CHRM2: variants seen among roughly 807,000 people sequenced by gnomAD.
The protein encoded by CHRM2 is cholinergic receptor muscarinic 2.
A neutral mutation model predicts 25.0 loss-of-function variants in CHRM2; 8 were observed. That is an observed-to-expected ratio of 0.32 (90% CI 0.19 to 0.58). CHRM2 has a LOEUF of 0.58. Ranked by LOEUF, CHRM2 falls within the 20% of genes least tolerant of loss-of-function variation. The probability of loss-of-function intolerance (pLI) is 0.88; values close to 1 mark genes in which losing one functional copy is unlikely to be tolerated. For missense variants in CHRM2, 440 were observed against 567.1 expected (o/e 0.78, Z 2.28); for synonymous variants, 202 against 205.7 (o/e 0.98, Z 0.15).
At chr7:136,876,197 C>T (rs548705800) in intron 2 of CHRM2, among the ~76,000 whole-genome samples, 3 of 152,052 alleles carry the variant, frequency 2.0e-5, no homozygotes, top group Non-Finnish European at 2.9e-5. Flanking sequence ...TTTTGGAAGG[C>T]GAAGCCATGG....
intron 2 of CHRM2, among the ~76,000 whole-genome samples, chr7:136,886,030 G>T (rs1796450437): frequency 6.6e-6 from 1 of 152,132 alleles, no homozygotes; most frequent in African/African-American, 2.4e-5. Flanking sequence ...GCATCCAAAG[G>T]TCTATACCTA....
chr7:136,981,120 A>C (rs1802456274), intron 2 of CHRM2, among the ~76,000 whole-genome samples: 1 of 151,978 alleles, frequency 6.6e-6, no homozygotes, highest in Admixed American at 6.6e-5. Flanking sequence ...CAATTTCAGA[A>C]CTTGTTACTG....
At chr7:136,956,778 C>G (rs1191005827) in intron 2 of CHRM2, among the ~76,000 whole-genome samples, 1 of 151,720 alleles carries the variant, frequency 6.6e-6, no homozygotes, top group Non-Finnish European at 1.5e-5. Flanking sequence ...ACTAAAGCAA[C>G]AAATCAATGC....
At chr7:136,968,518 A>G (rs1007269728) in intron 2 of CHRM2, among the ~76,000 whole-genome samples, 4 of 151,784 alleles carry the variant, frequency 2.6e-5, no homozygotes, top group African/African-American at 9.7e-5. Context: ...CAGCAACCCC[A>G]CTTCTGGGTG....
At chr7:136,914,088 A>C (rs1584746045) in intron 2 of CHRM2, 1 of 151,846 alleles carries the variant, frequency 6.6e-6, no homozygotes, top group Non-Finnish European at 1.5e-5. Context: ...TCAATCTCCT[A>C]TCTCGCATCA....
At chr7:136,937,601 G>A (rs1351092322) in intron 2 of CHRM2, among the ~76,000 whole-genome samples, 4 of 152,092 alleles carry the variant, frequency 2.6e-5, no homozygotes, top group Admixed American at 6.6e-5. Flanking sequence ...GTAAAAAACC[G>A]ACTGCTTGTC....
chr7:136,959,649 A>G (rs758847324), intron 2 of CHRM2, among the ~76,000 whole-genome samples: 21 of 152,204 alleles, frequency 1.4e-4, no homozygotes, highest in Admixed American at 8.5e-4. Flanking sequence ...ACGGTGGCTC[A>G]CACCTGTAAT....
intron 2 of CHRM2, among the ~76,000 whole-genome samples, chr7:136,988,994 C>A (rs1265753882): frequency 6.6e-6 from 1 of 152,018 alleles, no homozygotes; most frequent in Non-Finnish European, 1.5e-5. Context: ...AGTCTTCCCA[C>A]CAAACCTATG....
In CHRM2 at chr7:136,980,073, A is replaced by G. The variant is rs185146394; in HGVS notation, c.-124-12114A>G. ...TTCATGATATTGATTCTTCCTATCC[A>G]TGAGCATGAAATGTTTTTCCATTTG... On this transcript the variant is annotated intron_variant, in intron 2 of 3. Transcript: ENST00000680005. Among the ~76,000 whole-genome samples the G allele has an allele frequency of 1.2e-3, 186 of 152,304 alleles. 2 individuals are homozygous for G. The highest frequency in any genetic ancestry group is 4.4e-3 in the African/African-American group (183 of 41,570).
intron 2 of CHRM2, among the ~76,000 whole-genome samples, chr7:136,908,980 C>T (rs1797700058): frequency 6.6e-6 from 1 of 151,792 alleles, no homozygotes; most frequent in Non-Finnish European, 1.5e-5. Context: ...TTTTTACATT[C>T]CTTTGAATTA....
chr7:136,927,195 G>T (rs1453026055), intron 2 of CHRM2, among the ~76,000 whole-genome samples: 2 of 152,154 alleles, frequency 1.3e-5, no homozygotes, highest in African/African-American at 2.4e-5. Context: ...TGTATTAGTT[G>T]TTACTTTTAT....
intron 2 of CHRM2, among the ~76,000 whole-genome samples, chr7:136,927,597 G>A (rs1798822386): frequency 6.6e-6 from 1 of 152,194 alleles, no homozygotes; most frequent in Non-Finnish European, 1.5e-5. Context: ...GCCCCATGGG[G>A]CATATTTATG....
rs77579410 is a variant in CHRM2 at position 136,887,187 on chromosome 7, A to G, written c.-125+17769A>G. On this transcript the variant is annotated intron_variant, in intron 2 of 3. Transcript: ENST00000680005. ...TGGCTATGTTAATTTATTCTACTAT[A>G]CTAACCATTTTATTATATGTATATA... Among the ~76,000 whole-genome samples, 20 of 152,334 alleles carry G rather than the reference A, an allele frequency of 1.3e-4. No homozygotes were observed. In the East Asian group the frequency reaches 3.7e-3, roughly 28 times the overall value.
chr7:136,915,116 A>C (rs79114116), intron 2 of CHRM2, among the ~76,000 whole-genome samples: 1 of 151,980 alleles, frequency 6.6e-6, no homozygotes, highest in East Asian at 1.9e-4. Context: ...TGCTGACATC[A>C]TTCTGGTTAA....
chr7:136,905,409 G>C (rs1158497055), intron 2 of CHRM2, among the ~76,000 whole-genome samples: 1 of 151,332 alleles, frequency 6.6e-6, no homozygotes, highest in African/African-American at 2.4e-5. Flanking sequence ...CTGATTTGTA[G>C]CTGTATTTGC....
intron 2 of CHRM2, among the ~76,000 whole-genome samples, chr7:136,963,434 G>A: frequency 6.6e-6 from 1 of 152,164 alleles, no homozygotes; most frequent in East Asian, 1.9e-4. Context: ...GCACTGCAAT[G>A]GGTCAAGGAT....
intron 2 of CHRM2, among the ~76,000 whole-genome samples, chr7:136,991,342 T>C (rs1225428353): frequency 3.3e-5 from 5 of 152,148 alleles, no homozygotes; most frequent in African/African-American, 4.8e-5. Context: ...TCATTGGTTT[T>C]TTGCATGCAG....
At chr7:136,973,751 T>C (rs1236979160) in intron 2 of CHRM2, among the ~76,000 whole-genome samples, 1 of 151,916 alleles carries the variant, frequency 6.6e-6, no homozygotes, top group Non-Finnish European at 1.5e-5. Flanking sequence ...ATGATGGTGA[T>C]GGTGGTGAAG....
At chr7:136,983,134 T>G (rs139213354) in intron 2 of CHRM2, among the ~76,000 whole-genome samples, 3,951 of 152,272 alleles carry the variant, frequency 0.026, 182 homozygotes, top group African/African-American at 0.091. Context: ...GAGGCTTTAT[T>G]CATTCCTTTT....
Sources: allele counts gnomAD v4.1 joint callset (sites outside exome capture counted in the v4.1 genomes callset), GRCh38; gene constraint gnomAD v4.1.1; transcripts MANE v1.5; gene names NCBI Gene and HGNC (gene_info 2026-07-23, HGNC 2026-07-21).